ENOX1: variants seen among roughly 807,000 people sequenced by gnomAD.
ENOX1 encodes candidate growth-related and time keeping constitutive hydroquinone (NADH) oxidase.
Under a neutral mutation model 82.5 loss-of-function variants are expected in ENOX1, and 42 were observed. That is an observed-to-expected ratio of 0.51 (90% CI 0.40 to 0.66). The LOEUF is 0.66. ENOX1 is among the 30% of genes least tolerant of loss of function. ENOX1 has a pLI of 0.00. For missense variants in ENOX1, 608 were observed against 811.6 expected (o/e 0.75, Z 3.05); for synonymous variants, 271 against 282.2 (o/e 0.96, Z 0.40).
intron 3 of ENOX1, among the ~76,000 whole-genome samples, chr13:43,461,972 G>T (rs914016322): frequency 2.6e-5 from 4 of 152,116 alleles, no homozygotes; most frequent in African/African-American, 9.7e-5. Flanking sequence ...TACAAAGCTT[G>T]GTCTGTAATG....
At chr13:43,537,365 A>G (rs2078507904) in intron 2 of ENOX1, among the ~76,000 whole-genome samples, 1 of 152,180 alleles carries the variant, frequency 6.6e-6, no homozygotes, top group Non-Finnish European at 1.5e-5. Context: ...CTTGCTGGTG[A>G]TTAGTGGTAA....
At chr13:43,238,036 A>C (rs561110237) in intron 14 of ENOX1, among the ~76,000 whole-genome samples, 2 of 152,364 alleles carry the variant, frequency 1.3e-5, no homozygotes, top group East Asian at 3.9e-4. Flanking sequence ...AAAATGGATA[A>C]GGTAAAGAAT....
chr13:43,235,963 G>A (rs1334204418), intron 15 of ENOX1, among the ~76,000 whole-genome samples: 3 of 152,096 alleles, frequency 2.0e-5, no homozygotes, highest in Non-Finnish European at 2.9e-5. Context: ...GAATTTGAGG[G>A]CTTCAAAGAC....
intron 2 of ENOX1, among the ~76,000 whole-genome samples, chr13:43,615,401 C>T (rs949521140): frequency 1.3e-5 from 2 of 152,082 alleles, no homozygotes; most frequent in African/African-American, 4.8e-5. Context: ...ACAGGTGAAT[C>T]CAGCATGGCA....
At chr13:43,765,363 G>A (rs1211965698) in intron 1 of ENOX1, among the ~76,000 whole-genome samples, 2 of 152,064 alleles carry the variant, frequency 1.3e-5, no homozygotes, top group African/African-American at 4.8e-5. Context: ...TTAATACTAT[G>A]CTCCCTGGAC....
At chr13:43,286,191 G>T (rs1398139188) in intron 12 of ENOX1, among the ~76,000 whole-genome samples, 1 of 152,188 alleles carries the variant, frequency 6.6e-6, no homozygotes, top group African/African-American at 2.4e-5. Context: ...CAGACCACAA[G>T]GAATCATTTT....
intron 2 of ENOX1, among the ~76,000 whole-genome samples, chr13:43,501,018 A>G (rs1394653439): frequency 2.0e-5 from 3 of 151,854 alleles, no homozygotes; most frequent in Non-Finnish European, 4.4e-5. Flanking sequence ...AAAACAAGAC[A>G]ACTAACAATA....
chr13:43,742,405 G>A (rs1490896641), intron 1 of ENOX1, among the ~76,000 whole-genome samples: 1 of 150,994 alleles, frequency 6.6e-6, no homozygotes, highest in Non-Finnish European at 1.5e-5. Flanking sequence ...CAAGCAAAGA[G>A]AGACAGAGAG....
intron 1 of ENOX1, among the ~76,000 whole-genome samples, chr13:43,677,392 C>T (rs2085560846): frequency 6.6e-6 from 1 of 152,092 alleles, no homozygotes; most frequent in African/African-American, 2.4e-5. Context: ...GCTTTTGGTG[C>T]CACTATGAGA....
intron 5 of ENOX1, among the ~76,000 whole-genome samples, 188 bp downstream of exon 5, chr13:43,411,728 G>C (rs1280772225): frequency 6.6e-6 from 1 of 152,166 alleles, no homozygotes; most frequent in East Asian, 1.9e-4. Flanking sequence ...CTTTTTCTGA[G>C]AACAAGGCTA....
chr13:43,309,969 T>C (rs9533447), intron 11 of ENOX1, among the ~76,000 whole-genome samples: 144,955 of 152,040 alleles, frequency 0.95, 69,514 homozygotes, highest in East Asian at 1. Flanking sequence ...TTTGGGAGGC[T>C]GAGGTGGGCA....
intron 9 of ENOX1, among the ~76,000 whole-genome samples, chr13:43,338,343 A>T (rs1294186875): frequency 2.0e-5 from 3 of 152,160 alleles, no homozygotes; most frequent in Non-Finnish European, 4.4e-5. Flanking sequence ...CAAAGATAAA[A>T]ACTCCAACGT....
chr13:43,703,715 G>C (rs542967547), intron 1 of ENOX1, among the ~76,000 whole-genome samples: 105 of 152,138 alleles, frequency 6.9e-4, no homozygotes, highest in African/African-American at 2.3e-3. Flanking sequence ...TACCTGTTTT[G>C]TTTCCCCTAA....
At chr13:43,312,278 T>C (rs1040359088) in intron 11 of ENOX1, among the ~76,000 whole-genome samples, 3 of 152,008 alleles carry the variant, frequency 2.0e-5, no homozygotes, top group Non-Finnish European at 2.9e-5. Flanking sequence ...CAGACTCTTA[T>C]TTTAAAGCTA....
At chr13:43,651,970 CAAAAAAA>C (rs35793831) in intron 2 of ENOX1, among the ~76,000 whole-genome samples, 29 of 84,106 alleles carry the variant, frequency 3.4e-4, no homozygotes, top group African/African-American at 1.3e-3. Flanking sequence ...AACTTCGTCT[CAAAAAAA>C]AAAAAAAAAA....
intron 1 of ENOX1, among the ~76,000 whole-genome samples, chr13:43,754,766 G>C (rs1434301766): frequency 3.3e-5 from 5 of 151,912 alleles, no homozygotes; most frequent in African/African-American, 1.2e-4. Flanking sequence ...TTAATTTTTT[G>C]TCACTATGTT....
intron 1 of ENOX1, among the ~76,000 whole-genome samples, chr13:43,681,959 T>C (rs9525825): frequency 0.088 from 13,372 of 152,074 alleles, 924 homozygotes; most frequent in African/African-American, 0.19. Flanking sequence ...AGAATGTCCT[T>C]ACTATGCTTT....
At chr13:43,673,175 GTATATA>G (rs58874702) in intron 1 of ENOX1, among the ~76,000 whole-genome samples, 1 of 148,844 alleles carries the variant, frequency 6.7e-6, no homozygotes, top group African/African-American at 2.5e-5. Context: ...TTGCATGTGT[GTATATA>G]TATATATATA....
At chr13:43,674,841 G>A (rs2085433060) in intron 1 of ENOX1, among the ~76,000 whole-genome samples, 1 of 152,122 alleles carries the variant, frequency 6.6e-6, no homozygotes, top group Non-Finnish European at 1.5e-5. Flanking sequence ...GGGTTGTGGG[G>A]AGCTATATGG....
Sources: gnomAD v4.1 joint callset for allele counts (sites outside exome capture counted in the v4.1 genomes callset) on GRCh38, gnomAD v4.1.1 for gene constraint, MANE v1.5 for transcripts, NCBI Gene and HGNC (gene_info 2026-07-23, HGNC 2026-07-21) for gene names.